Variants in PRRX1 observed in about 807,000 individuals in gnomAD.
The protein encoded by PRRX1 is paired mesoderm homeobox protein 1.
PRRX1 carries 8 observed loss-of-function variants against 24.0 expected under a neutral mutation model. The observed-to-expected ratio is 0.33, with a 90% confidence interval of 0.20 to 0.60. The LOEUF (loss-of-function observed/expected upper bound fraction) is 0.60. Ranked by LOEUF, PRRX1 falls within the 20% of genes least tolerant of loss-of-function variation. The pLI, the probability that PRRX1 is intolerant of heterozygous loss-of-function variation, is 0.82. For missense variants in PRRX1, 281 were observed against 322.4 expected (o/e 0.87, Z 0.98); for synonymous variants, 160 against 131.7 (o/e 1.22, Z -1.47).
intron 2 of PRRX1, among the ~76,000 whole-genome samples, chr1:170,723,305 T>C (rs1018085029): frequency 3.0e-4 from 45 of 152,246 alleles, no homozygotes; most frequent in African/African-American, 1.1e-3. Flanking sequence ...CCCCTCGAGC[T>C]GTACAACTGC....
chr1:170,679,749 C>A (rs1334264726), intron 1 of PRRX1, among the ~76,000 whole-genome samples: 1 of 151,322 alleles, frequency 6.6e-6, no homozygotes, highest in Admixed American at 6.6e-5. Flanking sequence ...TGGTTGTTAG[C>A]ACTTATTCTA....
Position 170,736,126 on chromosome 1 carries a change from C to T in PRRX1, c.678C>T (p.Asn226=), listed in dbSNP as rs1655593849. Residue 226 remains asparagine (N), a synonymous_variant, in exon 4 of 4, where the codon AAC becomes AAT. Transcript: ENST00000239461. ...QGINMANSIA[N]LRLKAKEYSL... ...TCAACATGGCCAACAGCATTGCCAA[C>T]CTGAGACTGAAGGCCAAGGAATATA... is the stretch of plus-strand genomic sequence containing the variant. 2 of 1,614,018 alleles carry T rather than the reference C, an allele frequency of 1.2e-6. No homozygotes were observed.
chr1:170,706,614 C>T (rs1654577494), intron 1 of PRRX1, among the ~76,000 whole-genome samples: 1 of 152,146 alleles, frequency 6.6e-6, no homozygotes, highest in African/African-American at 2.4e-5. Flanking sequence ...AAAAACTTTA[C>T]TAACATTGAA....
intron 3 of PRRX1, chr1:170,730,662 G>A (rs959769579): frequency 4.4e-5 from 13 of 297,432 alleles, no homozygotes; most frequent in Non-Finnish European, 8.3e-5. Context: ...GCTTCTAGGT[G>A]ATGCTGATGC....
At chr1:170,688,121 G>T (rs550076485) in intron 1 of PRRX1, among the ~76,000 whole-genome samples, 24 of 152,138 alleles carry the variant, frequency 1.6e-4, no homozygotes, top group African/African-American at 5.5e-4. Flanking sequence ...CTTCTCAAAA[G>T]TTGCTATTAT....
rs76337363 is a variant in PRRX1 at position 170,685,128 on chromosome 1, G to A, written c.241+20669G>A. On this transcript the variant is annotated intron_variant, in intron 1 of 3. Transcript: ENST00000239461. The stretch of plus-strand genomic sequence containing the variant: ...TATTTTTCCTGATGCTGAAATATTG[G>A]TTTTGGACCAAGGCTTATTTGAGGT... Among the ~76,000 whole-genome samples the A allele has an allele frequency of 8.7e-3, 1,320 of 152,240 alleles. 71 individuals carry two copies. In the East Asian group the frequency reaches 0.14, roughly 16 times the overall value.
chr1:170,669,444 A>AAAAAAAAAAAAAAAAAAAC, intron 1 of PRRX1: 1 of 144,646 alleles, frequency 6.9e-6, no homozygotes, highest in South Asian at 2.2e-4. Flanking sequence ...AAAAAAAAAA[A>AAAAAAAAAAAAAAAAAAAC]AAAAAAAAAA....
intron 2 of PRRX1, among the ~76,000 whole-genome samples, chr1:170,724,178 C>A (rs558563962): frequency 2.0e-5 from 3 of 152,200 alleles, no homozygotes; most frequent in Non-Finnish European, 4.4e-5. Context: ...CTTGTAGATT[C>A]TGGATATTAG....
At chr1:170,666,990 G>T (rs1293195307) in intron 1 of PRRX1, among the ~76,000 whole-genome samples, 4 of 152,100 alleles carry the variant, frequency 2.6e-5, no homozygotes, top group Admixed American at 2.6e-4. Flanking sequence ...GGAGCACGTG[G>T]AGTCCTCAGG....
intron 3 of PRRX1, 118 bp downstream of exon 3, chr1:170,726,519 A>T (rs923150100): frequency 2.4e-6 from 3 of 1,250,762 alleles, no homozygotes; most frequent in Non-Finnish European, 3.4e-6. Flanking sequence ...CTCTTCAGAG[A>T]CATTCAACTT....
chr1:170,687,773 G>A (rs559822779), intron 1 of PRRX1, among the ~76,000 whole-genome samples: 11 of 152,204 alleles, frequency 7.2e-5, no homozygotes, highest in African/African-American at 2.4e-4. Context: ...AAAACTGTGT[G>A]GATATATCCT....
chr1:170,716,462 T>G (rs1344698579), intron 1 of PRRX1, among the ~76,000 whole-genome samples: 1 of 151,918 alleles, frequency 6.6e-6, no homozygotes, highest in Non-Finnish European at 1.5e-5. Context: ...CAGGTGCCTG[T>G]AGTCCCAGCT....
At chr1:170,672,366 C>G (rs1023149860) in intron 1 of PRRX1, among the ~76,000 whole-genome samples, 43 of 152,264 alleles carry the variant, frequency 2.8e-4, no homozygotes, top group African/African-American at 1.0e-3. Flanking sequence ...TACATACTTT[C>G]CAAGATAATC....
intron 1 of PRRX1, chr1:170,668,339 C>G (rs1653023482): frequency 1.3e-5 from 2 of 152,214 alleles, no homozygotes; most frequent in Admixed American, 6.5e-5. Flanking sequence ...AATGCGCCTG[C>G]CTTCCACGTT....
At position 170,726,335 on chromosome 1, in the gene PRRX1, C is replaced by A; in HGVS notation, c.533C>A (p.Pro178His). The change falls in exon 3 of 4, where the codon CCC becomes CAC. Residue 178 changes from proline (P) to histidine (H), a missense_variant. Transcript: ENST00000239461. ...YSGDVTAVEQ[P>H]IVPRPAPRPT... ...GGAGACGTGACTGCTGTGGAGCAGC[C>A]CATCGTACCTCGTCCTGCTCCGAGA... 6.2e-7 allele frequency: 1 copy of A among 1,614,040 alleles called. No homozygotes were observed.
intron 1 of PRRX1, among the ~76,000 whole-genome samples, chr1:170,685,419 T>G (rs1653698381): frequency 6.6e-6 from 1 of 152,164 alleles, no homozygotes; most frequent in Admixed American, 6.5e-5. Flanking sequence ...TGACTCGAGC[T>G]AGGGGATTTG....
chr1:170,696,848 G>A (rs530384035), intron 1 of PRRX1, among the ~76,000 whole-genome samples: 1 of 152,110 alleles, frequency 6.6e-6, no homozygotes, highest in Non-Finnish European at 1.5e-5. Context: ...ATTTAGCTCG[G>A]CTCATTCCTC....
chr1:170,734,961 C>A (rs1655555776), intron 3 of PRRX1, among the ~76,000 whole-genome samples: 1 of 152,094 alleles, frequency 6.6e-6, no homozygotes, highest in Admixed American at 6.6e-5. Flanking sequence ...GACAAAATTC[C>A]ATTGGAATGC....
chr1:170,682,159 G>A lies in PRRX1; in HGVS notation c.241+17700G>A, dbSNP rs146206862. Among the ~76,000 whole-genome samples the A allele has an allele frequency of 1.4e-3, 218 of 152,174 alleles. 5 individuals are homozygous for A. In the East Asian group the frequency reaches 0.03, roughly 21 times the overall value. On this transcript the variant is annotated intron_variant, in intron 1 of 3. Coordinates refer to ENST00000239461, the MANE Select transcript of PRRX1 (RefSeq NM_022716.4). Reference sequence around the variant, plus strand: ...GCTCAGAATGAGGAAGAAAGGGATGGCCCTTCTCTCTTTACTGGTATAGGA... The same window carrying A: ...GCTCAGAATGAGGAAGAAAGGGATGACCCTTCTCTCTTTACTGGTATAGGA...
Sources: gnomAD v4.1 joint callset for allele counts (sites outside exome capture counted in the v4.1 genomes callset) on GRCh38, gnomAD v4.1.1 for gene constraint, MANE v1.5 for transcripts, NCBI Gene and HGNC (gene_info 2026-07-23, HGNC 2026-07-21) for gene names.